The following NAA15 variants were observed in gnomAD, a reference collection of about 807,000 sequenced individuals.
NAA15 encodes the protein N-terminal acetyltransferase.
NAA15 carries 34 observed loss-of-function variants against 114.0 expected under a neutral mutation model. The ratio of observed to expected loss-of-function variants is 0.30; its 90% CI spans 0.23 to 0.40. The LOEUF (loss-of-function observed/expected upper bound fraction) is 0.40, where lower values mean the gene tolerates loss of function less well. NAA15 is among the 10% of genes least tolerant of loss of function. The pLI is 1.00. For synonymous variants in NAA15, 340 were observed against 338.0 expected, an observed-to-expected ratio of 1.01 and a Z score of -0.06; for missense variants, 658 against 1,004.5, an observed-to-expected ratio of 0.66 and a Z score of 4.66.
Position 139,360,573 on chromosome 4 carries a change from A to T in NAA15, c.1484A>T (p.Tyr495Phe). 6.2e-7 allele frequency: 1 copy of T among 1,610,452 alleles called. No homozygotes were observed. Among genetic ancestry groups the T allele is most frequent in the Admixed American group, 1.7e-5 (1 of 59,348 alleles). ...TTCCAAACAGAATGTGCCCAGGCTTATAAAGCAATGAATAAATTTGGTGAA... is the reference window on the plus strand; with the variant it reads ...TTCCAAACAGAATGTGCCCAGGCTTTTAAAGCAATGAATAAATTTGGTGAA... ...MWFQTECAQA[Y>F]KAMNKFGEAL... Residue 495 changes from tyrosine to phenylalanine, a missense_variant, in exon 13 of 20, where the codon TAT becomes TTT. Coordinates refer to ENST00000296543, the MANE Select transcript of NAA15 (RefSeq NM_057175.5).
At chr4:139,357,798 C>T (rs183623289) in intron 11 of NAA15, among the ~76,000 whole-genome samples, 3 of 152,234 alleles carry the variant, frequency 2.0e-5, no homozygotes, top group East Asian at 3.9e-4. Context: ...TGTATTCACA[C>T]GTATCTGGTA....
intron 16 of NAA15, among the ~76,000 whole-genome samples, chr4:139,378,234 T>C (rs1315764027): frequency 1.3e-5 from 2 of 152,058 alleles, no homozygotes; most frequent in Admixed American, 6.6e-5. Context: ...TCTTGGGAAA[T>C]ACAGGGAATG....
At chr4:139,378,985 AGC>A in intron 17 of NAA15, 131 bp downstream of exon 17, 2 of 553,444 alleles carry the variant, frequency 3.6e-6, no homozygotes, top group South Asian at 5.8e-5. Context: ...CTAAGGGAAA[AGC>A]AGGGCTTTTT....
chr4:139,366,815 C>A (rs1294963024), intron 14 of NAA15, among the ~76,000 whole-genome samples: 8 of 152,062 alleles, frequency 5.3e-5, no homozygotes, highest in Non-Finnish European at 1.5e-5. Context: ...TGCTATGTTG[C>A]CCAGGCTGTT....
chr4:139,312,844 T>TG (rs972949370), intron 1 of NAA15, among the ~76,000 whole-genome samples: 2 of 151,200 alleles, frequency 1.3e-5, no homozygotes, highest in South Asian at 2.1e-4. Flanking sequence ...AGACCTTGTC[T>TG]GGGGGGGAAA....
At chr4:139,378,639 T>TGGCAACG (rs1748656445) in intron 16 of NAA15, 117 bp from the exon 17 acceptor site, 2 of 469,400 alleles carry the variant, frequency 4.3e-6, no homozygotes, top group Non-Finnish European at 7.4e-6. Flanking sequence ...CAATCGTATG[T>TGGCAACG]TTGTGGTTCT....
At chr4:139,378,473 A>G (rs1270815591) in intron 16 of NAA15, among the ~76,000 whole-genome samples, 1 of 152,238 alleles carries the variant, frequency 6.6e-6, no homozygotes, top group Non-Finnish European at 1.5e-5. Flanking sequence ...GGAAGTTAGG[A>G]AATGAAGGCA....
At chr4:139,378,239 G>C (rs1348440693) in intron 16 of NAA15, among the ~76,000 whole-genome samples, 1 of 152,136 alleles carries the variant, frequency 6.6e-6, no homozygotes, top group Non-Finnish European at 1.5e-5. Context: ...GGAAATACAG[G>C]GAATGGGTGT....
rs907970539 is a variant in NAA15, at chr4:139,343,960, T to G, written c.538-226T>G. Among the ~76,000 whole-genome samples the G allele has an allele frequency of 1.6e-4, 25 of 152,186 alleles. 1 individual carries two copies. Among genetic ancestry groups the G allele is most frequent in the African/African-American group, 5.1e-4 (21 of 41,454 alleles). ...AAGAGCTTTCCCTTCTTCCCCATAT[T>G]TATTGTGTGTAAGGACTTATGGATT... On this transcript the variant is annotated intron_variant, in intron 5 of 19. Coordinates refer to ENST00000296543, the MANE Select transcript of NAA15 (RefSeq NM_057175.5).
chr4:139,338,017 C>T (rs193070320), intron 3 of NAA15, among the ~76,000 whole-genome samples: 4 of 152,214 alleles, frequency 2.6e-5, no homozygotes, highest in Admixed American at 2.6e-4. Flanking sequence ...TAGTGTTCTG[C>T]CAATGTTTTA....
At chr4:139,326,421 C>T (rs566550485) in intron 1 of NAA15, among the ~76,000 whole-genome samples, 5 of 152,236 alleles carry the variant, frequency 3.3e-5, no homozygotes, top group South Asian at 4.1e-4. Context: ...TAAATATTAG[C>T]TGTTATTATT....
At chr4:139,328,118 A>T (rs1579096193) in intron 1 of NAA15, among the ~76,000 whole-genome samples, 1 of 149,346 alleles carries the variant, frequency 6.7e-6, no homozygotes, top group African/African-American at 2.5e-5. Flanking sequence ...TAGCCCACTG[A>T]TTTTTTTTTT....
chr4:139,371,497 G>GCGCACACACA (rs1389164527), intron 15 of NAA15, among the ~76,000 whole-genome samples: 24 of 113,678 alleles, frequency 2.1e-4, no homozygotes, highest in African/African-American at 5.7e-4. Flanking sequence ...AAGAAAAGTA[G>GCGCACACACA]CACACACACA....
At chr4:139,318,087 A>AACAT (rs751115660) in intron 1 of NAA15, among the ~76,000 whole-genome samples, 1 of 152,214 alleles carries the variant, frequency 6.6e-6, no homozygotes, top group Admixed American at 6.5e-5. Flanking sequence ...CCATATATGT[A>AACAT]ATTTTCACTT....
chr4:139,346,257 C>G (rs1386808686), intron 6 of NAA15, among the ~76,000 whole-genome samples: 1 of 151,952 alleles, frequency 6.6e-6, no homozygotes, highest in African/African-American at 2.4e-5. Context: ...AGATGTAATG[C>G]ATATTTTGGA....
At chr4:139,327,027 C>G (rs1746825062) in intron 1 of NAA15, among the ~76,000 whole-genome samples, 1 of 151,974 alleles carries the variant, frequency 6.6e-6, no homozygotes, top group South Asian at 2.1e-4. Context: ...CCTCAACCTC[C>G]TAGGCTCAAG....
intron 1 of NAA15, among the ~76,000 whole-genome samples, chr4:139,315,001 T>TGAGGTTAGGTTAGGTTAGGTTAGG (rs1553992509): frequency 8.1e-5 from 6 of 74,382 alleles, no homozygotes; most frequent in African/African-American, 4.0e-4. Flanking sequence ...TTCAGTTCAG[T>TGAGGTTAGGTTAGGTTAGGTTAGG]TTAGTTTAGG....
intron 1 of NAA15, among the ~76,000 whole-genome samples, chr4:139,307,777 C>G (rs1401389543): frequency 6.6e-6 from 1 of 152,066 alleles, no homozygotes; most frequent in Non-Finnish European, 1.5e-5. Context: ...AGATTAAGGT[C>G]AACAGCTAGT....
intron 15 of NAA15, among the ~76,000 whole-genome samples, chr4:139,374,544 A>G (rs1397271326): frequency 6.6e-6 from 1 of 152,160 alleles, no homozygotes; most frequent in Non-Finnish European, 1.5e-5. Flanking sequence ...CAAAGTATTT[A>G]TATTTTTATA....
Sources: allele counts gnomAD v4.1 joint callset (sites outside exome capture counted in the v4.1 genomes callset), GRCh38; gene constraint gnomAD v4.1.1; transcripts MANE v1.5; gene names NCBI Gene and HGNC (gene_info 2026-07-23, HGNC 2026-07-21).